Variants in EYS observed in about 807,000 individuals in gnomAD.
The protein encoded by EYS is protein eyes shut homolog.
A neutral mutation model predicts 282.1 loss-of-function variants in EYS; 250 were observed. The ratio of observed to expected loss-of-function variants is 0.89; its 90% confidence interval spans 0.80 to 0.98. The LOEUF (loss-of-function observed/expected upper bound fraction) is 0.98, where lower values mean the gene tolerates loss of function less well. Among genes scored for constraint, EYS ranks in the 50% least tolerant of loss-of-function variants. EYS has a pLI of 0.00. For synonymous variants in EYS, 1,355 were observed against 1,282.9 expected, an observed-to-expected ratio of 1.06 and a Z score of -1.20; for missense variants, 4,016 against 3,709.0, an observed-to-expected ratio of 1.08 and a Z score of -2.15.
intron 29 of EYS, among the ~76,000 whole-genome samples, chr6:64,341,807 T>A (rs554905497): frequency 6.6e-6 from 1 of 151,656 alleles, no homozygotes; most frequent in Admixed American, 6.6e-5. Context: ...TTAATCTCTA[T>A]GTCAGTGTCT....
In EYS at chr6:65,443,544, CAT is replaced by C. The variant is rs1044331018; in HGVS notation, c.863-38179_863-38178del. On this transcript the variant is annotated intron_variant, in intron 5 of 42. Transcript: ENST00000503581. ...ATGTATATACATATACTTATGGACA[CAT>C]GATACGCATACATGTATACACACAT... Among the ~76,000 whole-genome samples the C allele has an allele frequency of 2.3e-4, 35 of 151,402 alleles. 1 individual carries two copies. Among genetic ancestry groups the C allele is most frequent in the Admixed American group, 4.0e-4 (6 of 15,188 alleles).
intron 5 of EYS, among the ~76,000 whole-genome samples, chr6:65,437,565 C>T (rs1467249423): frequency 2.0e-5 from 3 of 152,034 alleles, no homozygotes; most frequent in Admixed American, 1.3e-4. Flanking sequence ...TTACTTTACC[C>T]ACATAATAAC....
At chr6:64,380,757 C>T (rs531911574) in intron 29 of EYS, among the ~76,000 whole-genome samples, 22 of 152,182 alleles carry the variant, frequency 1.4e-4, no homozygotes, top group African/African-American at 5.1e-4. Context: ...GTGGCTCACG[C>T]CTATAATACC....
At chr6:64,254,246 T>C (rs1412439945) in intron 30 of EYS, among the ~76,000 whole-genome samples, 1 of 152,152 alleles carries the variant, frequency 6.6e-6, no homozygotes. Context: ...CATGTTCGTT[T>C]GGAAAACAGT....
At chr6:64,488,531 ACT>A (rs1450495671) in intron 26 of EYS, among the ~76,000 whole-genome samples, 2 of 151,072 alleles carry the variant, frequency 1.3e-5, no homozygotes, top group Non-Finnish European at 3.0e-5. Context: ...TTTATAAGAC[ACT>A]CTGCCATATG....
intron 26 of EYS, among the ~76,000 whole-genome samples, chr6:64,476,201 C>T (rs1437561377): frequency 1.3e-5 from 2 of 152,160 alleles, no homozygotes; most frequent in Non-Finnish European, 1.5e-5. Context: ...TCACTGCCAT[C>T]TGTGCATGCT....
intron 26 of EYS, among the ~76,000 whole-genome samples, chr6:64,541,766 G>C (rs976370636): frequency 4.6e-5 from 7 of 152,026 alleles, no homozygotes; most frequent in Admixed American, 1.3e-4. Flanking sequence ...TTTGTAAATG[G>C]GGATTAAAAA....
At chr6:64,915,474 A>C (rs1768131280) in intron 15 of EYS, among the ~76,000 whole-genome samples, 1 of 152,186 alleles carries the variant, frequency 6.6e-6, no homozygotes, top group Admixed American at 6.5e-5. Context: ...TGAGGATCAG[A>C]GAGTTTAATG....
intron 12 of EYS, among the ~76,000 whole-genome samples, chr6:65,185,968 GAAGT>G (rs1181011822): frequency 2.1e-5 from 3 of 145,000 alleles, no homozygotes; most frequent in Non-Finnish European, 3.0e-5. Context: ...ACTTTTGTCA[GAAGT>G]AAGTTATTTA....
intron 22 of EYS, chr6:64,730,862 T>C (rs996147400): frequency 2.0e-5 from 3 of 152,192 alleles, no homozygotes; most frequent in Non-Finnish European, 4.4e-5. Context: ...AAACTCTTAG[T>C]CTTGTTAAGA....
chr6:64,452,080 C>A (rs1775370957), intron 26 of EYS, among the ~76,000 whole-genome samples: 2 of 152,202 alleles, frequency 1.3e-5, no homozygotes, highest in African/African-American at 4.8e-5. Flanking sequence ...TCCCTGTTTG[C>A]AGACAACATG....
intron 28 of EYS, among the ~76,000 whole-genome samples, chr6:64,389,195 C>T (rs1456879974): frequency 6.6e-6 from 1 of 152,030 alleles, no homozygotes; most frequent in African/African-American, 2.4e-5. Flanking sequence ...TAAAAAGAAT[C>T]AAATTTCAAT....
chr6:65,410,514 C>T (rs1307555555), intron 5 of EYS, among the ~76,000 whole-genome samples: 1 of 151,770 alleles, frequency 6.6e-6, no homozygotes, highest in Non-Finnish European at 1.5e-5. Flanking sequence ...GTACTTTGTA[C>T]CTGTTGACAA....
chr6:64,100,527 G>A (rs1366677626), intron 31 of EYS, among the ~76,000 whole-genome samples: 1 of 152,052 alleles, frequency 6.6e-6, no homozygotes, highest in Non-Finnish European at 1.5e-5. Context: ...TTTGCCTGGG[G>A]AGCTCATCTG....
chr6:63,835,589 G>T (rs1443564659), intron 36 of EYS, among the ~76,000 whole-genome samples: 1 of 151,962 alleles, frequency 6.6e-6, no homozygotes, highest in Non-Finnish European at 1.5e-5. Context: ...AGGGAAGAGT[G>T]GGAGGGAGGC....
At chr6:65,320,411 G>A (rs566768171) in intron 11 of EYS, among the ~76,000 whole-genome samples, 1 of 152,310 alleles carries the variant, frequency 6.6e-6, no homozygotes, top group South Asian at 2.1e-4. Context: ...GAGGAATCCA[G>A]ACGGATAATG....
intron 30 of EYS, among the ~76,000 whole-genome samples, chr6:64,238,287 G>C (rs1024429861): frequency 6.6e-6 from 1 of 152,138 alleles, no homozygotes; most frequent in Non-Finnish European, 1.5e-5. Context: ...GGGCATTGCA[G>C]ACCGCTGTTT....
chr6:64,706,417 C>G (rs1226485814), intron 22 of EYS, among the ~76,000 whole-genome samples: 1 of 151,896 alleles, frequency 6.6e-6, no homozygotes, highest in Non-Finnish European at 1.5e-5. Flanking sequence ...GACTTCATGA[C>G]CAAGTACCCA....
At chr6:64,665,747 G>A (rs941114351) in intron 22 of EYS, among the ~76,000 whole-genome samples, 2 of 151,992 alleles carry the variant, frequency 1.3e-5, no homozygotes, top group Admixed American at 6.6e-5. Flanking sequence ...ACTGAGTTCT[G>A]TTCCTACTGT....
Sources: allele counts gnomAD v4.1 joint callset (sites outside exome capture counted in the v4.1 genomes callset), GRCh38; gene constraint gnomAD v4.1.1; transcripts MANE v1.5; gene names NCBI Gene and HGNC (gene_info 2026-07-23, HGNC 2026-07-21).